RASEF: variants seen among roughly 807,000 people sequenced by gnomAD.
The protein encoded by RASEF is ras and EF-hand domain-containing protein.
Under a neutral mutation model 90.1 loss-of-function variants are expected in RASEF, and 68 were observed. The ratio of observed to expected loss-of-function variants is 0.75; its 90% CI spans 0.62 to 0.92. The LOEUF (loss-of-function observed/expected upper bound fraction) is 0.92. RASEF is among the 40% of genes least tolerant of loss of function. The pLI, the probability that RASEF is intolerant of heterozygous loss-of-function variation, is 0.00. For missense variants in RASEF, 949 were observed against 937.2 expected (o/e 1.01, Z -0.16); for synonymous variants, 331 against 345.2 (o/e 0.96, Z 0.46).
At chr9:83,036,903 T>A (rs563762199) in intron 1 of RASEF, among the ~76,000 whole-genome samples, 64 of 152,014 alleles carry the variant, frequency 4.2e-4, no homozygotes, top group Non-Finnish European at 7.2e-4. Context: ...TGTTTTTTTT[T>A]AAAAAAAGCT....
At chr9:83,146,642 C>G in the RASEF span, among the ~76,000 whole-genome samples, 1 of 152,138 alleles carries the variant, frequency 6.6e-6, no homozygotes, top group South Asian at 2.1e-4. Flanking sequence ...TTCTGTCTGA[C>G]CGAAATTTTC....
the RASEF span, among the ~76,000 whole-genome samples, chr9:83,080,887 A>T: frequency 2.0e-5 from 3 of 152,218 alleles, 1 homozygote; most frequent in Admixed American, 2.0e-4. Context: ...TTTGTTTTTT[A>T]AAAAATGTTA....
intron 4 of RASEF, among the ~76,000 whole-genome samples, chr9:83,015,301 T>C (rs1417162964): frequency 6.6e-6 from 1 of 152,034 alleles, no homozygotes; most frequent in Admixed American, 6.5e-5. Context: ...TTATGGACAA[T>C]GGTTGAAGGG....
At chr9:83,065,062 T>A (rs565575061), upstream of RASEF, among the ~76,000 whole-genome samples, 27 of 152,302 alleles carry the variant, frequency 1.8e-4, no homozygotes, top group Middle Eastern at 3.4e-3. Flanking sequence ...AGCAAGACTA[T>A]GTCTCAAAAC....
the RASEF span, among the ~76,000 whole-genome samples, chr9:83,081,029 C>A: frequency 6.6e-6 from 1 of 152,100 alleles, no homozygotes; most frequent in Non-Finnish European, 1.5e-5. Context: ...AGAGTGCTCT[C>A]TGTGTTCCAA....
intron 1 of RASEF, among the ~76,000 whole-genome samples, chr9:83,047,732 GTAAAGA>G: frequency 6.6e-6 from 1 of 152,266 alleles, no homozygotes; most frequent in South Asian, 2.1e-4. Flanking sequence ...AAACAAGAAA[GTAAAGA>G]TAAACTGTCA....
chr9:83,088,372 G>A, the RASEF span, among the ~76,000 whole-genome samples: 1,313 of 147,568 alleles, frequency 8.9e-3, 9 homozygotes, highest in African/African-American at 0.031. Context: ...ATAGATAGAT[G>A]GATAGATAGA....
the RASEF span, among the ~76,000 whole-genome samples, chr9:83,125,653 T>C: frequency 6.6e-6 from 1 of 152,170 alleles, no homozygotes; most frequent in East Asian, 1.9e-4. Flanking sequence ...TAAGCAAACA[T>C]TGTTAATGAA....
At chr9:82,992,818 G>A (rs1828838076) in intron 15 of RASEF, 88 bp downstream of exon 15, 1 of 1,422,660 alleles carries the variant, frequency 7.0e-7, no homozygotes, top group Non-Finnish European at 9.7e-7. Flanking sequence ...GACCTCTCAA[G>A]CAAAGGTAGA....
chr9:83,189,066 C>T, the RASEF span, among the ~76,000 whole-genome samples: 46,704 of 152,002 alleles, frequency 0.31, 9,599 homozygotes, highest in East Asian at 0.58. Flanking sequence ...CCAGCTGATA[C>T]GGGTTGGCTG....
chr9:83,138,158 G>T, the RASEF span, among the ~76,000 whole-genome samples: 1 of 152,002 alleles, frequency 6.6e-6, no homozygotes, highest in African/African-American at 2.4e-5. Flanking sequence ...TCCTTGGTAT[G>T]TTGCTTTTCT....
chr9:83,164,998 C>G, the RASEF span, among the ~76,000 whole-genome samples: 1 of 151,850 alleles, frequency 6.6e-6, no homozygotes. Flanking sequence ...AATCAAAATA[C>G]ATAAGGCAAA....
the RASEF span, among the ~76,000 whole-genome samples, chr9:83,081,155 C>A: frequency 6.6e-6 from 1 of 152,100 alleles, no homozygotes; most frequent in East Asian, 1.9e-4. Flanking sequence ...CTTGATTAAC[C>A]TATCCAAGGT....
the RASEF span, among the ~76,000 whole-genome samples, chr9:83,110,415 C>T: frequency 1.3e-5 from 2 of 152,174 alleles, no homozygotes; most frequent in African/African-American, 4.8e-5. Context: ...TCAACCTCCA[C>T]ATCCTGTCAT....
chr9:83,049,311 T>C, intron 1 of RASEF: 2 of 985,376 alleles, frequency 2.0e-6, no homozygotes, highest in South Asian at 9.4e-5. Context: ...AATAGTCAGC[T>C]AACCTGACGG....
At chr9:83,103,416 G>A in the RASEF span, among the ~76,000 whole-genome samples, 1 of 152,134 alleles carries the variant, frequency 6.6e-6, no homozygotes, top group Non-Finnish European at 1.5e-5. Context: ...GGTGAAAACT[G>A]AAGTGTTTAT....
the RASEF span, among the ~76,000 whole-genome samples, chr9:83,099,611 T>G: frequency 6.6e-6 from 1 of 152,212 alleles, no homozygotes; most frequent in Non-Finnish European, 1.5e-5. Flanking sequence ...GAGACTTGAT[T>G]CACAAAATTT....
the RASEF span, among the ~76,000 whole-genome samples, chr9:83,125,060 T>C: frequency 6.6e-6 from 1 of 152,242 alleles, no homozygotes; most frequent in Admixed American, 6.5e-5. Flanking sequence ...GTATTTACAC[T>C]TCAGCAAATT....
At chr9:83,218,670 C>T in the RASEF span, among the ~76,000 whole-genome samples, 5,569 of 152,154 alleles carry the variant, frequency 0.037, 592 homozygotes, top group East Asian at 0.42. Context: ...AACAGTTTTC[C>T]CTGCTTCTGA....
Sources: gnomAD v4.1 joint callset for allele counts (sites outside exome capture counted in the v4.1 genomes callset) on GRCh38, gnomAD v4.1.1 for gene constraint, MANE v1.5 for transcripts, NCBI Gene and HGNC (gene_info 2026-07-23, HGNC 2026-07-21) for gene names.